Variants in RAD51B observed in about 807,000 individuals in gnomAD.
RAD51B encodes the protein RAD51 paralog B, also known as DNA repair protein RAD51 homolog 2.
RAD51B carries 38 observed loss-of-function variants against 42.2 expected under a neutral mutation model. That is an observed-to-expected ratio of 0.90 (90% CI 0.70 to 1.18). The LOEUF is 1.18. RAD51B is among the 50% of genes most tolerant of loss of function. The pLI is 0.00. For synonymous variants in RAD51B, 154 were observed against 145.2 expected (o/e 1.06, Z -0.43); for missense variants, 373 against 400.7 (o/e 0.93, Z 0.59).
At chr14:68,002,087 G>A (rs538371268) in intron 7 of RAD51B, among the ~76,000 whole-genome samples, 1 of 152,220 alleles carries the variant, frequency 6.6e-6, no homozygotes, top group African/African-American at 2.4e-5. Flanking sequence ...GGGTCAAATG[G>A]TATTTCTGCC....
chr14:68,250,986 T>C (rs2080617990), intron 7 of RAD51B, among the ~76,000 whole-genome samples: 1 of 152,216 alleles, frequency 6.6e-6, no homozygotes, highest in African/African-American at 2.4e-5. Context: ...TGTCAGTTTA[T>C]TGAGCTCTTC....
intron 7 of RAD51B, among the ~76,000 whole-genome samples, chr14:68,045,066 G>A (rs945083870): frequency 3.3e-5 from 5 of 151,650 alleles, no homozygotes; most frequent in African/African-American, 4.8e-5. Context: ...GAGAAACCTC[G>A]TCTCTACTAA....
At chr14:68,027,347 A>C (rs2075971432) in intron 7 of RAD51B, among the ~76,000 whole-genome samples, 1 of 152,066 alleles carries the variant, frequency 6.6e-6, no homozygotes, top group Non-Finnish European at 1.5e-5. Flanking sequence ...TATGGTATCT[A>C]GCTGAGCTTC....
intron 4 of RAD51B, among the ~76,000 whole-genome samples, chr14:67,846,334 A>G (rs778962080): frequency 6.6e-6 from 1 of 152,012 alleles, no homozygotes; most frequent in South Asian, 2.1e-4. Context: ...TGTCCTCCGT[A>G]TGCGCGTTTG....
At chr14:68,624,901 G>A (rs558060782) in intron 10 of RAD51B, among the ~76,000 whole-genome samples, 1 of 152,248 alleles carries the variant, frequency 6.6e-6, no homozygotes, top group Admixed American at 6.5e-5. Flanking sequence ...GATAGGAGCC[G>A]GTGGTTCCGA....
At position 68,562,206 on chromosome 14, in the gene RAD51B, C is replaced by T. The variant is rs571788533; in HGVS notation, c.1037-32279C>T. Reference sequence around the variant, plus strand: ...ATTTTCTCTCCAAGTGACCCTGCCTCACCAGACATTTGCAGCCCTTCCAGT... The same window carrying T: ...ATTTTCTCTCCAAGTGACCCTGCCTTACCAGACATTTGCAGCCCTTCCAGT... On this transcript the variant is annotated intron_variant, in intron 10 of 10. Transcript: ENST00000487270. 2.4e-5 allele frequency: 24 copies of T among 985,438 alleles called. No individual in the cohort carries two copies. In the South Asian group the frequency reaches 5.6e-4, roughly 23 times the overall value. The allele number at this position is 985,438 out of a possible 1,614,324, so 61.0% of individuals were successfully genotyped here.
chr14:68,310,462 A>G (rs964609252), intron 8 of RAD51B, among the ~76,000 whole-genome samples: 3 of 152,208 alleles, frequency 2.0e-5, no homozygotes, highest in Admixed American at 2.0e-4. Context: ...CAACAATATT[A>G]GTGGAGAACC....
chr14:68,620,304 A>C (rs1290782266), intron 10 of RAD51B, among the ~76,000 whole-genome samples: 2 of 152,194 alleles, frequency 1.3e-5, no homozygotes, highest in African/African-American at 2.4e-5. Context: ...CGCCTGAGAT[A>C]GTAGGGGCCT....
At chr14:68,403,790 C>T (rs1433069782) in intron 8 of RAD51B, among the ~76,000 whole-genome samples, 1 of 152,208 alleles carries the variant, frequency 6.6e-6, no homozygotes, top group Non-Finnish European at 1.5e-5. Flanking sequence ...TCATTGTTAA[C>T]AGAATAAAAA....
intron 10 of RAD51B, among the ~76,000 whole-genome samples, chr14:68,636,211 C>T (rs1367953547): frequency 1.3e-5 from 2 of 152,140 alleles, no homozygotes; most frequent in African/African-American, 2.4e-5. Context: ...CCAGTAGACA[C>T]CCTCTGATTC....
intron 8 of RAD51B, among the ~76,000 whole-genome samples, chr14:68,332,867 T>G (rs1441616671): frequency 6.6e-6 from 1 of 152,260 alleles, no homozygotes; most frequent in Non-Finnish European, 1.5e-5. Context: ...AAACCTGTTT[T>G]TAGAGAGTCC....
chr14:67,923,333 CT>C (rs1250852926), intron 7 of RAD51B, among the ~76,000 whole-genome samples: 1 of 125,718 alleles, frequency 8.0e-6, no homozygotes, highest in African/African-American at 3.2e-5. Context: ...GAGTTTCACT[CT>C]TGTTGCCCAG....
At chr14:68,266,853 T>C (rs1213728974) in intron 7 of RAD51B, among the ~76,000 whole-genome samples, 1 of 152,208 alleles carries the variant, frequency 6.6e-6, no homozygotes, top group Non-Finnish European at 1.5e-5. Context: ...GTAATAAATA[T>C]GAAAACACTT....
At chr14:68,274,034 C>G (rs907782096) in intron 7 of RAD51B, among the ~76,000 whole-genome samples, 1 of 152,128 alleles carries the variant, frequency 6.6e-6, no homozygotes, top group Admixed American at 6.5e-5. Context: ...CTCTCCTTTG[C>G]TTCTTATGCT....
At chr14:68,614,556 A>G (rs4899247), downstream of RAD51B, among the ~76,000 whole-genome samples, 137,408 of 152,236 alleles carry the variant, frequency 0.9, 62,234 homozygotes, top group African/African-American at 0.98. Flanking sequence ...CTATTCTACT[A>G]TCCATCTCTA....
intron 10 of RAD51B, among the ~76,000 whole-genome samples, chr14:68,640,372 G>A (rs575259289): frequency 1.3e-4 from 20 of 152,184 alleles, no homozygotes; most frequent in Non-Finnish European, 2.5e-4. Context: ...TATTAAATGG[G>A]CAGACTGGTA....
At chr14:68,680,021 G>T (rs547383483) in intron 11 of RAD51B, among the ~76,000 whole-genome samples, 2 of 152,124 alleles carry the variant, frequency 1.3e-5, no homozygotes, top group African/African-American at 4.8e-5. Context: ...AACTTCACTG[G>T]TTTTTTTTCC....
At chr14:68,381,641 A>G (rs1332091669) in intron 8 of RAD51B, among the ~76,000 whole-genome samples, 1 of 152,172 alleles carries the variant, frequency 6.6e-6, no homozygotes, top group Non-Finnish European at 1.5e-5. Flanking sequence ...GCGCCACTGC[A>G]CTCCAGCCTG....
intron 7 of RAD51B, among the ~76,000 whole-genome samples, chr14:68,061,517 A>T (rs1245604321): frequency 6.6e-6 from 1 of 152,178 alleles, no homozygotes; most frequent in African/African-American, 2.4e-5. Flanking sequence ...TAGTCTGTCA[A>T]TTATGAATAT....
Sources: gnomAD v4.1 joint callset for allele counts (sites outside exome capture counted in the v4.1 genomes callset) on GRCh38, gnomAD v4.1.1 for gene constraint, MANE v1.5 for transcripts, NCBI Gene and HGNC (gene_info 2026-07-23, HGNC 2026-07-21) for gene names.